Variants in ASB4 observed in about 807,000 individuals in gnomAD.
ASB4 encodes ankyrin repeat and SOCS box protein 4.
ASB4 carries 35 observed loss-of-function variants against 38.6 expected under a neutral mutation model. That is an observed-to-expected ratio of 0.91 (90% CI 0.69 to 1.20). The LOEUF is 1.20. Among genes scored for constraint, ASB4 ranks in the 50% most tolerant of loss-of-function variants. ASB4 has a pLI of 0.00. For missense variants in ASB4, 557 were observed against 527.2 expected (o/e 1.06, Z -0.55); for synonymous variants, 195 against 201.3 (o/e 0.97, Z 0.26).
intron 3 of ASB4, 165 bp downstream of exon 3, chr7:95,528,468 T>C: frequency 6.9e-7 from 1 of 1,448,386 alleles, no homozygotes; most frequent in Non-Finnish European, 9.0e-7. Flanking sequence ...TCTCCTCATC[T>C]CATCCTAGTC....
the ASB4 span, among the ~76,000 whole-genome samples, chr7:95,549,782 T>A: frequency 5.3e-5 from 8 of 152,116 alleles, no homozygotes; most frequent in Non-Finnish European, 1.2e-4. Flanking sequence ...AAAGACCCCT[T>A]TTCTGTTTAC....
intron 2 of ASB4, among the ~76,000 whole-genome samples, chr7:95,520,714 A>G (rs1275674370): frequency 2.0e-5 from 3 of 151,728 alleles, no homozygotes; most frequent in Admixed American, 2.0e-4. Flanking sequence ...TTTGGTTCCA[A>G]TACCTTTATT....
intron 2 of ASB4, among the ~76,000 whole-genome samples, chr7:95,508,789 A>G (rs1790443454): frequency 6.6e-6 from 1 of 152,210 alleles, no homozygotes; most frequent in Non-Finnish European, 1.5e-5. Context: ...AGCTGGATAG[A>G]GAAGGAGAGA....
the ASB4 span, among the ~76,000 whole-genome samples, chr7:95,472,255 C>G: frequency 6.6e-6 from 1 of 151,958 alleles, no homozygotes. Flanking sequence ...TTGAAAGTGC[C>G]ATTTTTCAAT....
chr7:95,494,280 A>G (rs1467845927), intron 1 of ASB4, among the ~76,000 whole-genome samples: 1 of 152,198 alleles, frequency 6.6e-6, no homozygotes, highest in African/African-American at 2.4e-5. Context: ...AGTCATCGTA[A>G]TATTCTAGAT....
intron 2 of ASB4, among the ~76,000 whole-genome samples, chr7:95,518,589 C>A (rs1167829457): frequency 1.3e-5 from 2 of 152,168 alleles, no homozygotes; most frequent in African/African-American, 2.4e-5. Flanking sequence ...AAAAATTAGA[C>A]TATATTGGCA....
upstream of ASB4, among the ~76,000 whole-genome samples, chr7:95,485,618 A>AG (rs1282446305): frequency 5.3e-5 from 8 of 152,040 alleles, no homozygotes; most frequent in African/African-American, 1.9e-4. Flanking sequence ...GTTTTTATTG[A>AG]GGGGAAAAAA....
At chr7:95,527,497 A>G in intron 2 of ASB4, among the ~76,000 whole-genome samples, 1 of 152,210 alleles carries the variant, frequency 6.6e-6, no homozygotes. Flanking sequence ...TAGTTGTAGA[A>G]ATCTCTTGGT....
intron 2 of ASB4, among the ~76,000 whole-genome samples, chr7:95,509,622 C>T (rs1294812304): frequency 2.0e-5 from 3 of 152,044 alleles, no homozygotes; most frequent in African/African-American, 7.2e-5. Flanking sequence ...AGGATAAATG[C>T]TTAATGGAAA....
downstream of ASB4, among the ~76,000 whole-genome samples, chr7:95,540,802 T>C (rs971926577): frequency 3.3e-5 from 5 of 152,222 alleles, no homozygotes; most frequent in African/African-American, 1.2e-4. Context: ...ATGTCTCTAC[T>C]TTGTCCTTCC....
At chr7:95,493,406 G>T (rs939378535) in intron 1 of ASB4, among the ~76,000 whole-genome samples, 7 of 150,264 alleles carry the variant, frequency 4.7e-5, no homozygotes, top group Admixed American at 4.7e-4. Flanking sequence ...GTGTGTGTGT[G>T]TATAGCTAGG....
intron 2 of ASB4, among the ~76,000 whole-genome samples, chr7:95,515,508 C>T (rs377108131): frequency 5.0e-4 from 76 of 151,052 alleles, no homozygotes; most frequent in African/African-American, 1.5e-3. Context: ...CTCTGCATCC[C>T]GTGTTCAAGT....
At position 95,539,209 on chromosome 7, in the gene ASB4, A is replaced by G. The variant is rs1790937662; in HGVS notation, c.*1450A>G. The G allele has an allele frequency of 6.6e-6, 1 of 152,194 alleles. No individual in the cohort carries two copies. Among genetic ancestry groups the G allele is most frequent in the Non-Finnish European group, 1.5e-5 (1 of 68,040 alleles). The allele number at this position is 152,194 out of a possible 1,614,324, so 9.4% of individuals were successfully genotyped here. On this transcript the variant is annotated 3_prime_UTR_variant, in exon 5 of 5. Coordinates refer to ENST00000325885, the MANE Select transcript of ASB4 (RefSeq NM_016116.3). ...TCTTTTATGTGTGTGGTTCTCCATC[A>G]TATTTAACTTTGGATGCTGGAGTGT...
At chr7:95,490,552 C>G (rs200981404) in intron 1 of ASB4, among the ~76,000 whole-genome samples, 13 of 152,190 alleles carry the variant, frequency 8.5e-5, no homozygotes, top group African/African-American at 2.9e-4. Context: ...GTGTGTGTAA[C>G]CTTTGGCTGT....
At chr7:95,542,893 C>T (rs1196681056), downstream of ASB4, 1 of 152,196 alleles carries the variant, frequency 6.6e-6, no homozygotes, top group African/African-American at 2.4e-5. Flanking sequence ...AAAATAGCCA[C>T]CTTGTATTTC....
chr7:95,492,501 C>T (rs938064849), intron 1 of ASB4, among the ~76,000 whole-genome samples: 7 of 152,134 alleles, frequency 4.6e-5, no homozygotes, highest in African/African-American at 1.7e-4. Flanking sequence ...AGGCAGGCAA[C>T]TCATGGCTCT....
chr7:95,528,396 G>C, intron 3 of ASB4, 93 bp downstream of exon 3: 4 of 1,584,418 alleles, frequency 2.5e-6, no homozygotes, highest in Non-Finnish European at 2.6e-6. Context: ...CTTGAGGCTT[G>C]AGTCCTGGGC....
chr7:95,528,740 C>A, intron 3 of ASB4: 5 of 1,012,380 alleles, frequency 4.9e-6, no homozygotes, highest in Non-Finnish European at 5.9e-6. Flanking sequence ...TGAAAGCTAA[C>A]GTTTATTAAG....
chr7:95,513,068 A>G (rs1348108476), intron 2 of ASB4, among the ~76,000 whole-genome samples: 1 of 152,108 alleles, frequency 6.6e-6, no homozygotes, highest in African/African-American at 2.4e-5. Context: ...AAGGAAGGTC[A>G]GAGAGATAGG....
Sources: allele counts gnomAD v4.1 joint callset (sites outside exome capture counted in the v4.1 genomes callset), GRCh38; gene constraint gnomAD v4.1.1; transcripts MANE v1.5; gene names NCBI Gene and HGNC (gene_info 2026-07-23, HGNC 2026-07-21).